The following MICAL3 variants were observed in gnomAD, a reference collection of about 807,000 sequenced individuals.
The protein encoded by MICAL3 is microtubule associated monooxygenase, calponin and LIM domain containing 3.
In MICAL3, 62 loss-of-function variants were observed where a neutral mutation model predicts 207.4. That is an observed-to-expected ratio of 0.30 (90% CI 0.24 to 0.37). The LOEUF is 0.37. Ranked by LOEUF, MICAL3 falls within the 10% of genes least tolerant of loss-of-function variation. The pLI is 1.00. For missense variants in MICAL3, 2,368 were observed against 2,635.6 expected (o/e 0.90, Z 2.22); for synonymous variants, 1,077 against 1,069.3 (o/e 1.01, Z -0.14).
At chr22:17,889,447 TA>T (rs1349338491) in intron 12 of MICAL3, among the ~76,000 whole-genome samples, 3 of 150,088 alleles carry the variant, frequency 2.0e-5, no homozygotes, top group Non-Finnish European at 4.4e-5. Context: ...ATGAAAGGTC[TA>T]CCCACCAAAG....
At chr22:17,976,346 G>C (rs550728830) in intron 1 of MICAL3, among the ~76,000 whole-genome samples, 1 of 152,020 alleles carries the variant, frequency 6.6e-6, no homozygotes, top group Non-Finnish European at 1.5e-5. Flanking sequence ...GTTACACTGG[G>C]AAACAGCACT....
intron 21 of MICAL3, 62 bp from the exon 22 acceptor site, chr22:17,827,843 G>A: frequency 6.7e-7 from 1 of 1,489,876 alleles, no homozygotes; most frequent in Non-Finnish European, 9.0e-7. Context: ...GAAATAGCAT[G>A]GGAAAGGAAA....
At chr22:17,866,670 T>TAGAATAGAATAGAATAGAATAG (rs1927189172) in intron 17 of MICAL3, among the ~76,000 whole-genome samples, 2 of 130,570 alleles carry the variant, frequency 1.5e-5, no homozygotes, top group South Asian at 2.6e-4. Context: ...GAATAGAATA[T>TAGAATAGAATAGAATAGAATAG]AGAATAGAAT....
chr22:18,010,603 A>G (rs1923655614), intron 1 of MICAL3, among the ~76,000 whole-genome samples: 1 of 152,122 alleles, frequency 6.6e-6, no homozygotes. Flanking sequence ...GAGATGAAAA[A>G]GGTATTCTAA....
In MICAL3 at chr22:17,904,820, C is replaced by T; in HGVS notation, c.284G>A (p.Gly95Asp). The stretch of plus-strand genomic sequence containing the variant: ...GATGGCTGTACGGAGACCACAGGGG[C>T]CAGCCCCAATGATGAGACACTGAAA... Reference protein sequence around the residue: ...TNTKCLIIGAGPCGLRTAIDL... With the variant: ...TNTKCLIIGADPCGLRTAIDL... The change falls in exon 3 of 32, where the codon GGC becomes GAC. Residue 95 changes from glycine (G) to aspartate (D), a missense_variant. Gly to Asp is a moderately conservative substitution (Grantham distance 94). Around this residue, in one of 4 missense-constraint regions of MICAL3, gnomAD observed 400 missense variants for 547.0 expected, o/e 0.73. Transcript: ENST00000441493. 1 of 1,613,790 alleles carries T rather than the reference C, an allele frequency of 6.2e-7. No homozygotes were observed. Among genetic ancestry groups the T allele is most frequent in the East Asian group, 2.2e-5 (1 of 44,884 alleles).
At chr22:17,877,948 G>T (rs1471139327) in intron 16 of MICAL3, among the ~76,000 whole-genome samples, 1 of 152,090 alleles carries the variant, frequency 6.6e-6, no homozygotes, top group Non-Finnish European at 1.5e-5. Context: ...TGCCTCCTGG[G>T]TTGATGCCAT....
At chr22:17,951,745 T>G (rs928799826) in intron 1 of MICAL3, among the ~76,000 whole-genome samples, 3 of 151,908 alleles carry the variant, frequency 2.0e-5, no homozygotes, top group African/African-American at 7.3e-5. Context: ...CATCCAAGCT[T>G]GAGTGCAGTG....
intron 1 of MICAL3, chr22:17,980,902 C>T (rs946409286): frequency 3.7e-6 from 2 of 533,622 alleles, no homozygotes; most frequent in Middle Eastern, 6.4e-4. Context: ...AGGTCCTGCA[C>T]TTTCGCTGGG....
Position 17,831,986 on chromosome 22 carries a change from C to G in MICAL3, c.2923G>C (p.Gly975Arg), listed in dbSNP as rs370706663. 2.5e-6 allele frequency: 4 copies of G among 1,603,742 alleles called. No individual in the cohort carries two copies. Among genetic ancestry groups the G allele is most frequent in the Non-Finnish European group, 3.4e-6 (4 of 1,175,328 alleles). Residue 975 changes from glycine to arginine, a missense_variant, in exon 21 of 32, where the codon GGG (glycine) becomes CGG (arginine). By Grantham distance (125) the Gly-to-Arg change is moderately radical. This residue lies in a region of MICAL3 where 1,770 missense variants were observed against 1,863.2 expected (regional missense o/e 0.95). Transcript: ENST00000441493. ...GCCTCTAGCTCCTCTTCACTTTTCCCTTTCAGAAGGGCATGGATCCGCACG... is the reference window on the plus strand; with the variant it reads ...GCCTCTAGCTCCTCTTCACTTTTCCGTTTCAGAAGGGCATGGATCCGCACG... ...EAVRIHALLK[G>R]KSEEELEASK...
At chr22:17,865,884 C>A (rs188189697) in intron 18 of MICAL3, 40 bp downstream of exon 18, 3 of 1,529,086 alleles carry the variant, frequency 2.0e-6, no homozygotes, top group Non-Finnish European at 1.8e-6. Context: ...TGCTGCAACA[C>A]CCACTGCTTC....
intron 1 of MICAL3, among the ~76,000 whole-genome samples, chr22:17,986,519 CAA>C (rs908196445): frequency 4.2e-5 from 6 of 143,318 alleles, no homozygotes; most frequent in African/African-American, 1.5e-4. Flanking sequence ...GAATCTGTCT[CAA>C]AAAAAAAAAG....
chr22:17,978,736 C>A (rs980777191), intron 1 of MICAL3, among the ~76,000 whole-genome samples: 2 of 152,060 alleles, frequency 1.3e-5, no homozygotes, highest in Admixed American at 6.5e-5. Context: ...CTAGGCTGGT[C>A]TCAAGCTCCT....
chr22:17,947,363 G>C (rs963481397), intron 1 of MICAL3, among the ~76,000 whole-genome samples: 3 of 152,210 alleles, frequency 2.0e-5, no homozygotes, highest in African/African-American at 7.2e-5. Context: ...TAAGGAAAGA[G>C]GAAAAGACCT....
At chr22:17,867,918 G>C (rs964956830) in intron 17 of MICAL3, among the ~76,000 whole-genome samples, 1 of 152,126 alleles carries the variant, frequency 6.6e-6, no homozygotes, top group Non-Finnish European at 1.5e-5. Context: ...TTTTGCAAAA[G>C]TGGAAACCCA....
rs142168384 is a variant in MICAL3, at chr22:17,972,944, C to A, written c.-75+51337G>T. 4.0e-3 allele frequency among the ~76,000 whole-genome samples: 608 copies of A among 152,358 alleles called. 9 individuals are homozygous for A. Among genetic ancestry groups the A allele is most frequent in the African/African-American group, 0.014 (579 of 41,592 alleles). ...CCCTACAATGCCCACCCAGACCTGC[C>A]CTCAGGCCCCTGCACGTCAGGCATG... is the stretch of plus-strand genomic sequence containing the variant. On this transcript the variant is annotated intron_variant, in intron 1 of 31. Coordinates refer to ENST00000441493, the MANE Select transcript of MICAL3 (RefSeq NM_015241.3).
At chr22:17,823,892 A>G (rs1273041931) in intron 22 of MICAL3, among the ~76,000 whole-genome samples, 1 of 152,204 alleles carries the variant, frequency 6.6e-6, no homozygotes, top group Non-Finnish European at 1.5e-5. Context: ...GGGGTTGTCC[A>G]CAGCGCTGTG....
At chr22:17,931,467 A>G (rs1290189978) in intron 1 of MICAL3, among the ~76,000 whole-genome samples, 2 of 152,192 alleles carry the variant, frequency 1.3e-5, no homozygotes, top group African/African-American at 4.8e-5. Context: ...TGGGAGCCCA[A>G]CGGGGTGTGG....
chr22:17,898,920 G>C (rs5992895), intron 7 of MICAL3, among the ~76,000 whole-genome samples: 85,932 of 151,908 alleles, frequency 0.57, 25,291 homozygotes, highest in African/African-American at 0.73. Context: ...AAACTGTATC[G>C]GCAGTGACAC....
chr22:17,866,986 TAG>T (rs919201346), intron 17 of MICAL3, among the ~76,000 whole-genome samples: 17 of 152,354 alleles, frequency 1.1e-4, no homozygotes, highest in South Asian at 4.1e-4. Flanking sequence ...TCCTCATTTG[TAG>T]AGAGTGCTTC....
Sources: allele counts gnomAD v4.1 joint callset (sites outside exome capture counted in the v4.1 genomes callset), GRCh38; gene constraint gnomAD v4.1.1; regional missense constraint gnomAD v4.1.1; transcripts MANE v1.5; gene names NCBI Gene and HGNC (gene_info 2026-07-23, HGNC 2026-07-21).